The following ANKRD18B variants were observed in gnomAD, a reference collection of about 807,000 sequenced individuals.
The protein encoded by ANKRD18B is ankyrin repeat domain 18B, also known as ankyrin repeat domain-containing protein 18B.
Under a neutral mutation model 111.8 loss-of-function variants are expected in ANKRD18B, and 75 were observed. The ratio of observed to expected loss-of-function variants is 0.67; its 90% CI spans 0.56 to 0.81. ANKRD18B has a LOEUF of 0.81. ANKRD18B is among the 40% of genes least tolerant of loss of function. ANKRD18B has a pLI of 0.00. For missense variants in ANKRD18B, 1,038 were observed against 1,225.5 expected (o/e 0.85, Z 2.28); for synonymous variants, 356 against 417.3 (o/e 0.85, Z 1.79).
In ANKRD18B at chr9:33,543,209, A is replaced by G. The variant is rs1422979750; in HGVS notation, c.1103A>G (p.Glu368Gly). 6 of 1,552,998 alleles carry G rather than the reference A, an allele frequency of 3.9e-6. No homozygotes were observed. The highest frequency in any genetic ancestry group is 5.2e-6 in the Non-Finnish European group (6 of 1,147,514). ...AKEHNLKVAS[E>G]EKQERLERSE... ...GAACACAACTTAAAAGTGGCTTCAGAGGAAAAGCAAGAAAGGCTTGAAAGA... is the reference window on the plus strand; with the variant it reads ...GAACACAACTTAAAAGTGGCTTCAGGGGAAAAGCAAGAAAGGCTTGAAAGA... The change falls in exon 10 of 19, where the codon GAG becomes GGG. Residue 368 changes from glutamate (E) to glycine (G), a missense_variant. By Grantham distance (98) the Glu-to-Gly change is moderately conservative (BLOSUM62 -2). This residue lies in a region of ANKRD18B where 205 missense variants were observed against 201.3 expected (regional missense o/e 1.02). Coordinates refer to ENST00000684830, the MANE Select transcript of ANKRD18B (RefSeq NM_001393611.1).
intron 1 of ANKRD18B, 36 bp downstream of exon 1, chr9:33,524,731 C>T: frequency 1.3e-6 from 2 of 1,530,698 alleles, no homozygotes; most frequent in Non-Finnish European, 1.8e-6. Context: ...GAGGGGGCCC[C>T]CAGGCCCGGT....
intron 18 of ANKRD18B, 73 bp downstream of exon 18, chr9:33,571,364 C>T (rs1041809019): frequency 5.3e-5 from 34 of 635,750 alleles, no homozygotes; most frequent in Non-Finnish European, 7.2e-5. Flanking sequence ...AATGGCATTC[C>T]TTTTCATTGT....
chr9:33,528,337 TGTTCTGGAAACA>T (rs1204788824), intron 1 of ANKRD18B, among the ~76,000 whole-genome samples: 1 of 152,224 alleles, frequency 6.6e-6, no homozygotes, highest in African/African-American at 2.4e-5. Flanking sequence ...AGTTGTTGCT[TGTTCTGGAAACA>T]GTTCTAAATG....
intron 10 of ANKRD18B, 32 bp from the exon 11 acceptor site, chr9:33,547,906 T>C (rs780682452): frequency 8.5e-5 from 112 of 1,320,830 alleles, no homozygotes; most frequent in Admixed American, 3.3e-4. Flanking sequence ...TTATTTTGAG[T>C]GCTAACTAAA....
In ANKRD18B at chr9:33,548,716, TAGTC is replaced by T. The variant is rs1828403103; in HGVS notation, c.1930_1933del (p.Val644LeufsTer16). On this transcript the variant is annotated frameshift_variant, in exon 11 of 19. Coordinates refer to ENST00000684830, the MANE Select transcript of ANKRD18B (RefSeq NM_001393611.1). LOFTEE classifies it high-confidence loss of function. Reference sequence around the variant, plus strand: ...CGTAAGGAAGGTGATAATAAAGAGATAGTCATTAATATCCACAGAGACTGTCTTG... The same window carrying T: ...CGTAAGGAAGGTGATAATAAAGAGATATTAATATCCACAGAGACTGTCTTG... 6.4e-7 allele frequency: 1 copy of T among 1,551,038 alleles called. No individual in the cohort carries two copies. Among genetic ancestry groups the T allele is most frequent in the East Asian group, 2.4e-5 (1 of 40,892 alleles).
At chr9:33,547,713 TG>T (rs1828379997) in intron 10 of ANKRD18B, among the ~76,000 whole-genome samples, 1 of 151,624 alleles carries the variant, frequency 6.6e-6, no homozygotes, top group Non-Finnish European at 1.5e-5. Flanking sequence ...TGTGTGTGTG[TG>T]TGTGTGTGTG....
intron 14 of ANKRD18B, among the ~76,000 whole-genome samples, chr9:33,562,621 A>G (rs371973681): frequency 1.3e-5 from 2 of 152,232 alleles, no homozygotes; most frequent in Non-Finnish European, 2.9e-5. Flanking sequence ...TCAAAATTTC[A>G]GAGCCAAGTT....
At chr9:33,569,031 A>G (rs1398984430) in intron 17 of ANKRD18B, 138 bp downstream of exon 17, 1 of 783,960 alleles carries the variant, frequency 1.3e-6, no homozygotes, top group Admixed American at 4.0e-5. Flanking sequence ...TAACACAGAA[A>G]GGAAATGGAA....
Position 33,536,960 on chromosome 9 carries a change from A to G in ANKRD18B, c.808+15A>G, listed in dbSNP as rs1372811953. 3 of 1,455,460 alleles carry G rather than the reference A, an allele frequency of 2.1e-6. No homozygotes were observed. The East Asian group carries it at 7.9e-5, about 38-fold the overall frequency. The allele number at this position is 1,455,460 out of a possible 1,614,324, so 90.2% of individuals were successfully genotyped here. On this transcript the variant is annotated intron_variant, in intron 6 of 18. Coordinates refer to ENST00000684830, the MANE Select transcript of ANKRD18B (RefSeq NM_001393611.1). ...TGACAATCAAGGTAAGACTTCTGATAGTAAATTTCTCATTTCCCTTGGTGA... is the reference window on the plus strand; with the variant it reads ...TGACAATCAAGGTAAGACTTCTGATGGTAAATTTCTCATTTCCCTTGGTGA...
chr9:33,573,704 G>C (rs1215397103), downstream of ANKRD18B, among the ~76,000 whole-genome samples: 1 of 144,854 alleles, frequency 6.9e-6, no homozygotes, highest in African/African-American at 2.4e-5. Flanking sequence ...GGGAGGGAGG[G>C]TCTGTGGGCT....
rs201623543 is a variant in ANKRD18B at position 33,542,911 on chromosome 9, GT to G, written c.1079-264del. ...TTTAAATTTTGGTTTGTTTCCAGCA[GT>G]TTTTTTTTTATATTGGGTGGAATAA... On this transcript the variant is annotated intron_variant, in intron 9 of 18. Transcript: ENST00000684830. Among the ~76,000 whole-genome samples, 9 of 148,272 alleles carry G rather than the reference GT, an allele frequency of 6.1e-5. No individual in the cohort carries two copies. The South Asian group carries it at 8.6e-4, about 14-fold the overall frequency.
At chr9:33,531,974 CT>C (rs1219590415) in intron 3 of ANKRD18B, among the ~76,000 whole-genome samples, 3 of 152,142 alleles carry the variant, frequency 2.0e-5, no homozygotes, top group Admixed American at 1.3e-4. Context: ...ATGGCTCATG[CT>C]TGTAATCTCA....
chr9:33,548,639 A>G lies in ANKRD18B; in HGVS notation c.1851A>G (p.Ile617Met), dbSNP rs1484430139. 1 of 1,551,380 alleles carries G rather than the reference A, an allele frequency of 6.4e-7. No homozygotes were observed. The highest frequency in any genetic ancestry group is 2.4e-5 in the East Asian group (1 of 40,914). ...IGKQNSSEER[I>M]RQRELENLLL... The stretch of plus-strand genomic sequence containing the variant: ...AGCAGAACTCTTCAGAGGAGAGAAT[A>G]CGTCAACGAGAACTTGAAAATCTCT... The change falls in exon 11 of 19, where the codon ATA (isoleucine) becomes ATG (methionine). Residue 617 changes from isoleucine to methionine, a missense_variant. By Grantham distance (10) the Ile-to-Met change is conservative. Transcript: ENST00000684830.
intron 18 of ANKRD18B, 163 bp downstream of exon 18, chr9:33,571,454 GAA>G (rs1396348853): frequency 9.9e-6 from 2 of 201,648 alleles, no homozygotes; most frequent in Non-Finnish European, 2.1e-5. Flanking sequence ...CTTTCACAGT[GAA>G]GAGTATACTT....
At chr9:33,564,356 C>T (rs1471876680) in intron 14 of ANKRD18B, among the ~76,000 whole-genome samples, 2 of 152,188 alleles carry the variant, frequency 1.3e-5, no homozygotes, top group African/African-American at 2.4e-5. Context: ...GACTGATCCA[C>T]GTGGCTACAA....
At chr9:33,531,008 A>G (rs776678115) in intron 3 of ANKRD18B, among the ~76,000 whole-genome samples, 1 of 152,092 alleles carries the variant, frequency 6.6e-6, no homozygotes, top group Non-Finnish European at 1.5e-5. Context: ...TTGCAGTTGT[A>G]TTAGGGACTA....
rs1170887332 is a variant in ANKRD18B at position 33,557,114 on chromosome 9, C to A, written c.2331-944C>A. On this transcript the variant is annotated intron_variant, in intron 13 of 18. Coordinates refer to ENST00000684830, the MANE Select transcript of ANKRD18B (RefSeq NM_001393611.1). ...TGTCTTTCTCTACATGGTTTTGTAT[C>A]TTTCATTTTGTTGACATTATGTCAG... 7.2e-5 allele frequency among the ~76,000 whole-genome samples: 11 copies of A among 152,220 alleles called. No individual in the cohort carries two copies. The East Asian group carries it at 2.1e-3, about 29-fold the overall frequency.
rs569944898 is a variant in ANKRD18B at position 33,568,695 on chromosome 9, C to T, written c.2979C>T (p.Ile993=). The change falls in exon 17 of 19, where the codon ATC becomes ATT. Residue 993 remains isoleucine, a synonymous_variant. Transcript: ENST00000684830. ...ITKSDKKIAV[I]STKLFMEKER... ...GATCGGATAAGAAAATAGCTGTGATCAGCACCAAGCTCTTTATGGAGAAAG... is the reference window on the plus strand; with the variant it reads ...GATCGGATAAGAAAATAGCTGTGATTAGCACCAAGCTCTTTATGGAGAAAG... 32 of 1,548,124 alleles carry T rather than the reference C, an allele frequency of 2.1e-5. No homozygotes were observed. The highest frequency in any genetic ancestry group is 2.8e-5 in the Non-Finnish European group (32 of 1,145,648).
intron 4 of ANKRD18B, 117 bp from the exon 5 acceptor site, chr9:33,534,253 A>T (rs1223757503): frequency 5.9e-6 from 8 of 1,362,540 alleles, no homozygotes; most frequent in Non-Finnish European, 7.8e-6. Flanking sequence ...AGTACATGTA[A>T]ATGGTTATTA....
Sources: allele counts gnomAD v4.1 joint callset (sites outside exome capture counted in the v4.1 genomes callset), GRCh38; gene constraint gnomAD v4.1.1; regional missense constraint gnomAD v4.1.1; transcripts MANE v1.5; gene names NCBI Gene and HGNC (gene_info 2026-07-23, HGNC 2026-07-21).